ADGRD2: variants seen among roughly 807,000 people sequenced by gnomAD.
ADGRD2 encodes G protein-coupled receptor PGR24.
A neutral mutation model predicts 44.4 loss-of-function variants in ADGRD2; 71 were observed. That is an observed-to-expected ratio of 1.60 (90% CI 1.32 to 1.95). The LOEUF (loss-of-function observed/expected upper bound fraction) is 1.95, where lower values mean the gene tolerates loss of function less well. Ranked by LOEUF, ADGRD2 falls within the 30% of genes most tolerant of loss-of-function variation. The probability of loss-of-function intolerance (pLI) is 0.00; values close to 1 mark genes in which losing one functional copy is unlikely to be tolerated. For synonymous variants in ADGRD2, 481 were observed against 224.8 expected, an observed-to-expected ratio of 2.14 and a Z score of -10.19; for missense variants, 1,039 against 512.4, an observed-to-expected ratio of 2.03 and a Z score of -9.92.
chr9:124,475,929 C>A (rs1554719931), intron 19 of ADGRD2, among the ~76,000 whole-genome samples: 1 of 152,192 alleles, frequency 6.6e-6, no homozygotes, highest in Non-Finnish European at 1.5e-5. Flanking sequence ...AAACCAGGGC[C>A]CAGGAAACTC....
chr9:124,453,676 G>T (rs985039082), exon 3 of ADGRD2: 1 of 698,810 alleles, frequency 1.4e-6, no homozygotes, highest in Non-Finnish European at 2.6e-6. Flanking sequence ...TCTCTGTCCC[G>T]GTACGACCCG....
chr9:124,458,183 G>A (rs548060345), exon 9 of ADGRD2: 39 of 718,492 alleles, frequency 5.4e-5, no homozygotes, highest in Admixed American at 1.0e-4. Context: ...TAGAGGGACC[G>A]GACCTAGAGC....
chr9:124,468,147 C>A, exon 13 of ADGRD2: 1 of 718,572 alleles, frequency 1.4e-6, no homozygotes, highest in Non-Finnish European at 2.6e-6. Flanking sequence ...CTGGCCTCTG[C>A]CGAGGGCTTC....
chr9:124,452,987 A>G lies in ADGRD2; in HGVS notation c.282-48A>G, dbSNP rs1164587147. 5.3e-5 allele frequency: 33 copies of G among 621,510 alleles called. 1 individual carries two copies. Among genetic ancestry groups the G allele is most frequent in the Non-Finnish European group, 6.1e-5 (21 of 345,688 alleles). 38.5% of individuals were successfully genotyped at this position (621,510 alleles called of 1,614,324 possible). ...TGAGCCAAAGGGCAGGGGCAGGACCATGTGCACAGGTGAGGAAACTGAGGT... is the reference window on the plus strand; with the variant it reads ...TGAGCCAAAGGGCAGGGGCAGGACCGTGTGCACAGGTGAGGAAACTGAGGT... On this transcript the variant is annotated intron_variant, in intron 2 of 21. Coordinates refer to ENST00000334810, the Ensembl canonical transcript of ADGRD2.
At chr9:124,455,548 C>G (rs1238334352) in intron 6 of ADGRD2, among the ~76,000 whole-genome samples, 1 of 151,656 alleles carries the variant, frequency 6.6e-6, no homozygotes, top group Non-Finnish European at 1.5e-5. Context: ...TGAGATCACA[C>G]CACTGCACTC....
At chr9:124,465,684 C>G (rs1291571624) in intron 10 of ADGRD2, 1 of 152,034 alleles carries the variant, frequency 6.6e-6, no homozygotes, top group Non-Finnish European at 1.5e-5. Context: ...TATGTCCACT[C>G]TGCTTGGGGA....
At chr9:124,472,290 C>T (rs1471174113) in intron 17 of ADGRD2, among the ~76,000 whole-genome samples, 3 of 152,146 alleles carry the variant, frequency 2.0e-5, no homozygotes, top group African/African-American at 4.8e-5. Flanking sequence ...TCAGGCTCCC[C>T]CTCTGTCACT....
At chr9:124,470,690 GGCCT>G (rs1831931770) in intron 17 of ADGRD2, 76 bp downstream of exon 20, 2 of 631,772 alleles carry the variant, frequency 3.2e-6, no homozygotes, top group Non-Finnish European at 5.9e-6. Flanking sequence ...AGGGTGTCAG[GGCCT>G]GGGAGGGTGA....
At chr9:124,465,705 C>T (rs1831808382) in intron 10 of ADGRD2, 1 of 152,044 alleles carries the variant, frequency 6.6e-6, no homozygotes, top group East Asian at 1.9e-4. Flanking sequence ...TGAGGCAAGA[C>T]TTACACATGG....
chr9:124,465,945 G>T, intron 10 of ADGRD2: 1 of 221,304 alleles, frequency 4.5e-6, no homozygotes, highest in Non-Finnish European at 8.8e-6. Flanking sequence ...TCTTGAAGGA[G>T]CAGAGCAGGC....
At chr9:124,453,333 C>T (rs1831538549) in exon 3 of ADGRD2, 1 of 506,258 alleles carries the variant, frequency 2.0e-6, no homozygotes, top group Non-Finnish European at 3.4e-6. Context: ...ACCATGTGTG[C>T]GCCACGTGGG....
At position 124,454,632 on chromosome 9, in the gene ADGRD2, G is replaced by T; in HGVS notation, c.1108+63G>T. On this transcript the variant is annotated intron_variant, in intron 5 of 21. Coordinates refer to ENST00000334810, the Ensembl canonical transcript of ADGRD2. This position sits in a 1 kb window ranked among gnomAD's most constrained non-coding sequence, Gnocchi z 4.5. Reference sequence around the variant, plus strand: ...CCATGGGTCACCTCGCTGCACCTCAGTTTCCTCCCTTGTAAAGGGGACACC... The same window carrying T: ...CCATGGGTCACCTCGCTGCACCTCATTTTCCTCCCTTGTAAAGGGGACACC... The T allele has an allele frequency of 5.8e-6, 4 of 692,120 alleles. No homozygotes were observed. Among genetic ancestry groups the T allele is most frequent in the Non-Finnish European group, 1.1e-5 (4 of 369,328 alleles). The allele number at this position is 692,120 out of a possible 1,614,324, so 42.9% of individuals were successfully genotyped here.
At chr9:124,475,827 G>A (rs1564144685) in intron 19 of ADGRD2, among the ~76,000 whole-genome samples, 1 of 152,172 alleles carries the variant, frequency 6.6e-6, no homozygotes, top group Non-Finnish European at 1.5e-5. Context: ...GCAGCACCCA[G>A]GTGGGAGTGC....
rs1439675049 is a variant in ADGRD2 at position 124,458,254 on chromosome 9, GGAGGGC to G, written c.1764+19_1764+24del. ...GTGCAGAGGTGAGTAGGCGCCACCTGGAGGGCTGTGAGGGCCTGTGTCCCCTCCCCA... is the reference window on the plus strand; with the variant it reads ...GTGCAGAGGTGAGTAGGCGCCACCTGTGTGAGGGCCTGTGTCCCCTCCCCA... On this transcript the variant is annotated intron_variant, in intron 9 of 21. Transcript: ENST00000334810. 4.2e-6 allele frequency: 3 copies of G among 718,096 alleles called. No homozygotes were observed. Among genetic ancestry groups the G allele is most frequent in the East Asian group, 5.4e-5 (2 of 37,284 alleles). 44.5% of individuals were successfully genotyped at this position (718,096 alleles called of 1,614,324 possible).
chr9:124,451,666 G>A (rs1009559495), upstream of ADGRD2: 2 of 264,460 alleles, frequency 7.6e-6, no homozygotes, highest in African/African-American at 4.5e-5. Context: ...TTGGATCCAG[G>A]ATGGCACCGT....
At chr9:124,475,282 A>T (rs1832022866) in intron 17 of ADGRD2, among the ~76,000 whole-genome samples, 164 bp from the exon 21 acceptor site, 1 of 152,228 alleles carries the variant, frequency 6.6e-6, no homozygotes, top group Non-Finnish European at 1.5e-5. Context: ...ACTCCTCCGC[A>T]GGCGGGCACG....
chr9:124,459,944 T>C (rs1831696122), intron 10 of ADGRD2, among the ~76,000 whole-genome samples: 2 of 152,104 alleles, frequency 1.3e-5, no homozygotes, highest in Non-Finnish European at 2.9e-5. Flanking sequence ...ATTGAGGTAT[T>C]TCTCTATAAA....
chr9:124,457,205 G>A (rs373352839), intron 7 of ADGRD2, among the ~76,000 whole-genome samples: 23 of 152,332 alleles, frequency 1.5e-4, no homozygotes, highest in African/African-American at 5.1e-4. Context: ...GTACAAACAC[G>A]TGTCCTTCGG....
exon 3 of ADGRD2, chr9:124,453,666 T>C (rs776641169): frequency 2.9e-6 from 2 of 700,282 alleles, no homozygotes; most frequent in Non-Finnish European, 5.2e-6. Flanking sequence ...GGGTGCGCCT[T>C]CTCTGTCCCG....
Sources: gnomAD v4.1 joint callset for allele counts (sites outside exome capture counted in the v4.1 genomes callset) on GRCh38, gnomAD v4.1.1 for gene constraint, Gnocchi (gnomAD v3.1) non-coding constraint, MANE v1.5 for transcripts, NCBI Gene and HGNC (gene_info 2026-07-23, HGNC 2026-07-21) for gene names.